The following PAN3 variants were observed in gnomAD, a reference collection of about 807,000 sequenced individuals.
PAN3 encodes poly(A) specific ribonuclease subunit PAN3.
Under a neutral mutation model 96.2 loss-of-function variants are expected in PAN3, and 19 were observed. That is an observed-to-expected ratio of 0.20 (90% CI 0.14 to 0.29). The LOEUF is 0.29. Ranked by LOEUF, PAN3 falls within the 10% of genes least tolerant of loss-of-function variation. The pLI is 1.00. For synonymous variants in PAN3, 433 were observed against 406.6 expected (o/e 1.06, Z -0.78); for missense variants, 882 against 1,108.1 (o/e 0.80, Z 2.90).
intron 5 of PAN3, among the ~76,000 whole-genome samples, chr13:28,216,970 C>T (rs566243896): frequency 2.2e-4 from 34 of 151,680 alleles, no homozygotes; most frequent in East Asian, 5.9e-4. Context: ...AAAAATTAGC[C>T]GGGTGCGGTG....
At chr13:28,253,565 A>G (rs1292887637) in intron 6 of PAN3, among the ~76,000 whole-genome samples, 3 of 148,556 alleles carry the variant, frequency 2.0e-5, no homozygotes, top group Non-Finnish European at 4.5e-5. Flanking sequence ...ACTGTTGTAC[A>G]TGTTTTATTT....
intron 6 of PAN3, among the ~76,000 whole-genome samples, chr13:28,242,087 T>C (rs1023928187): frequency 6.6e-6 from 1 of 152,222 alleles, no homozygotes; most frequent in Non-Finnish European, 1.5e-5. Context: ...TAATGAGACT[T>C]TGTCAGAAGA....
intron 14 of PAN3, among the ~76,000 whole-genome samples, chr13:28,276,320 T>A (rs1227783298): frequency 6.6e-6 from 1 of 152,176 alleles, no homozygotes; most frequent in Non-Finnish European, 1.5e-5. Flanking sequence ...GTTCTCAGAT[T>A]TTAAAGATCT....
intron 10 of PAN3, 106 bp downstream of exon 10, chr13:28,266,982 G>T: frequency 7.9e-7 from 1 of 1,272,658 alleles, no homozygotes; most frequent in South Asian, 2.0e-5. Flanking sequence ...ATTTTTATTT[G>T]GAAATTAGTA....
chr13:28,140,396 G>T (rs1018448760), intron 1 of PAN3, among the ~76,000 whole-genome samples: 9 of 152,148 alleles, frequency 5.9e-5, no homozygotes, highest in African/African-American at 2.2e-4. Flanking sequence ...GGGAATTCTG[G>T]AGAACTAGAT....
At chr13:28,147,459 C>T (rs898741966) in intron 1 of PAN3, among the ~76,000 whole-genome samples, 1 of 152,126 alleles carries the variant, frequency 6.6e-6, no homozygotes, top group Non-Finnish European at 1.5e-5. Flanking sequence ...GTTGAAAATG[C>T]GTTTAATTCA....
intron 17 of PAN3, among the ~76,000 whole-genome samples, chr13:28,285,137 T>C (rs2138740512): frequency 6.6e-6 from 1 of 152,320 alleles, no homozygotes; most frequent in Non-Finnish European, 1.5e-5. Flanking sequence ...TTCTTGTTAC[T>C]GGTATATATG....
At chr13:28,199,498 C>CA (rs1273416292) in intron 5 of PAN3, among the ~76,000 whole-genome samples, 1 of 152,010 alleles carries the variant, frequency 6.6e-6, no homozygotes, top group Non-Finnish European at 1.5e-5. Context: ...CCTTTAAGGA[C>CA]ATAAGGAATG....
At chr13:28,147,278 T>C (rs1180527083) in intron 1 of PAN3, among the ~76,000 whole-genome samples, 2 of 152,226 alleles carry the variant, frequency 1.3e-5, no homozygotes, top group African/African-American at 4.8e-5. Context: ...TTTATCAGAA[T>C]GTAGCCCCAT....
chr13:28,188,092 C>T (rs1045176748), intron 4 of PAN3, among the ~76,000 whole-genome samples: 2 of 152,202 alleles, frequency 1.3e-5, no homozygotes, highest in Non-Finnish European at 2.9e-5. Flanking sequence ...TGTGAAATAT[C>T]TCTTTTCAGA....
intron 4 of PAN3, among the ~76,000 whole-genome samples, chr13:28,190,445 G>A (rs893822220): frequency 5.9e-5 from 9 of 151,752 alleles, no homozygotes; most frequent in Non-Finnish European, 1.2e-4. Flanking sequence ...GGTAGAGATT[G>A]GGGGGTTCTC....
chr13:28,197,855 A>G (rs1483402831), intron 5 of PAN3, among the ~76,000 whole-genome samples: 1 of 151,838 alleles, frequency 6.6e-6, no homozygotes, highest in Non-Finnish European at 1.5e-5. Flanking sequence ...GGCATGAGCC[A>G]CCTCTCCTGG....
In PAN3 at chr13:28,288,106, T is replaced by C. The variant is rs1347847273; in HGVS notation, c.2507T>C (p.Ile836Thr). The C allele has an allele frequency of 6.2e-7, 1 of 1,604,024 alleles. No homozygotes were observed. The highest frequency in any genetic ancestry group is 1.8e-5 in the Admixed American group (1 of 57,052). ...GAPWIDLSHIISCLNKLDAGV... is the reference protein window; with the variant it reads ...GAPWIDLSHITSCLNKLDAGV... ...CCCTGGATTGACCTCAGTCATATAATTTCTTGTCTTAACAAGGTAATTTGT... is the reference window on the plus strand; with the variant it reads ...CCCTGGATTGACCTCAGTCATATAACTTCTTGTCTTAACAAGGTAATTTGT... The change falls in exon 18 of 19, where the codon ATT (isoleucine) becomes ACT (threonine). Residue 836 changes from isoleucine to threonine, a missense_variant. Around this residue, in one of 3 missense-constraint regions of PAN3, gnomAD observed 76 missense variants for 171.7 expected, o/e 0.44. Transcript: ENST00000380958.
At chr13:28,183,340 T>C (rs779316385) in intron 4 of PAN3, among the ~76,000 whole-genome samples, 1 of 152,200 alleles carries the variant, frequency 6.6e-6, no homozygotes, top group Admixed American at 6.5e-5. Flanking sequence ...CTTTTACCCA[T>C]TGAGTATTGT....
rs1869143356 is a variant in PAN3 at position 28,138,741 on chromosome 13, G to T, written c.84G>T (p.Val28=). The T allele has an allele frequency of 1.5e-6, 2 of 1,304,720 alleles. No individual in the cohort carries two copies. The highest frequency in any genetic ancestry group is 2.0e-6 in the Non-Finnish European group (2 of 1,025,546). The allele number at this position is 1,304,720 out of a possible 1,614,324, so 80.8% of individuals were successfully genotyped here. A position where few individuals can be genotyped will look rare whatever the true frequency, so the allele number is the denominator to read the frequency against. ...SSSLAAAVAV[V]APPGVGGVPG... ...CGCTGGCGGCGGCGGTGGCGGTGGT[G>T]GCCCCGCCGGGGGTCGGGGGTGTCC... The change falls in exon 1 of 19, where the codon GTG becomes GTT. Residue 28 remains valine, a synonymous_variant. Transcript: ENST00000380958.
chr13:28,201,533 A>C (rs2485796), intron 5 of PAN3, among the ~76,000 whole-genome samples: 1 of 151,474 alleles, frequency 6.6e-6, no homozygotes, highest in African/African-American at 2.4e-5. Flanking sequence ...GCAACAGAGC[A>C]AGACTCCATC....
At chr13:28,166,527 G>A (rs1431984637) in intron 1 of PAN3, among the ~76,000 whole-genome samples, 1 of 152,228 alleles carries the variant, frequency 6.6e-6, no homozygotes, top group Non-Finnish European at 1.5e-5. Flanking sequence ...CTAGGCTGGT[G>A]TTGGATGCTG....
intron 4 of PAN3, among the ~76,000 whole-genome samples, chr13:28,182,529 ATTT>A (rs1875929872): frequency 6.6e-6 from 1 of 152,102 alleles, no homozygotes; most frequent in South Asian, 2.1e-4. Context: ...ACTTCTGTAA[ATTT>A]TTTTAAGTTT....
intron 6 of PAN3, among the ~76,000 whole-genome samples, chr13:28,241,165 G>A (rs745994514): frequency 5.9e-5 from 9 of 152,074 alleles, no homozygotes; most frequent in Admixed American, 1.3e-4. Flanking sequence ...GGAGGCTGAG[G>A]CAGTATATGA....
Sources: allele counts gnomAD v4.1 joint callset (sites outside exome capture counted in the v4.1 genomes callset), GRCh38; gene constraint gnomAD v4.1.1; regional missense constraint gnomAD v4.1.1; transcripts MANE v1.5; gene names NCBI Gene and HGNC (gene_info 2026-07-23, HGNC 2026-07-21).